Variants in SLC12A3 observed in about 807,000 individuals in gnomAD.
SLC12A3 encodes the protein solute carrier family 12 member 3, also known as Na-Cl cotransporter.
A neutral mutation model predicts 121.0 loss-of-function variants in SLC12A3; 104 were observed. The ratio of observed to expected loss-of-function variants is 0.86; its 90% confidence interval spans 0.73 to 1.01. SLC12A3 has a LOEUF of 1.01. Among genes scored for constraint, SLC12A3 ranks in the 50% least tolerant of loss-of-function variants. SLC12A3 has a pLI of 0.00. For synonymous variants in SLC12A3, 536 were observed against 533.4 expected (o/e 1.00, Z -0.07); for missense variants, 1,328 against 1,356.3 (o/e 0.98, Z 0.33).
intron 22 of SLC12A3, among the ~76,000 whole-genome samples, chr16:56,895,220 CTCACTCTG>C (rs1409821709): frequency 9.1e-6 from 1 of 110,098 alleles, no homozygotes; most frequent in African/African-American, 3.9e-5. Context: ...GAGATGGATT[CTCACTCTG>C]TCACCCAGGC....
Position 56,915,130 on chromosome 16 carries a change from AG to A in SLC12A3, c.*1726del, listed in dbSNP as rs1596966997. The A allele has an allele frequency of 6.6e-6, 1 of 152,302 alleles. No individual in the cohort carries two copies. The highest frequency in any genetic ancestry group is 2.4e-5 in the African/African-American group (1 of 41,442). 9.4% of individuals were successfully genotyped at this position (152,302 alleles called of 1,614,324 possible). On this transcript the variant is annotated 3_prime_UTR_variant, in exon 26 of 26. Transcript: ENST00000563236. Reference sequence around the variant, plus strand: ...CATCGAATGCCAGTGGGTGAGGCCAAGTGAGGGTATTTGCAGCTCTAGACAT... The same window carrying A: ...CATCGAATGCCAGTGGGTGAGGCCAATGAGGGTATTTGCAGCTCTAGACAT...
chr16:56,906,138 C>T (rs2055605291), intron 25 of SLC12A3, among the ~76,000 whole-genome samples: 1 of 152,188 alleles, frequency 6.6e-6, no homozygotes, highest in Admixed American at 6.5e-5. Context: ...TGAGAGGAGA[C>T]CTCAGAACAA....
intron 25 of SLC12A3, among the ~76,000 whole-genome samples, chr16:56,912,028 G>A (rs1300583951): frequency 2.0e-5 from 3 of 152,232 alleles, no homozygotes; most frequent in South Asian, 2.1e-4. Context: ...GCCACGACTC[G>A]GACGCCAGAG....
chr16:56,870,181 G>A lies in SLC12A3; in HGVS notation c.687G>A (p.Val229=). ...IGLIFAFANA[V]GVAMHTVGFA... ...TCATTTTCGCTTTCGCCAATGCCGT[G>A]GGTGTGGCCATGCACACGGTGGGCT... Residue 229 remains valine, a synonymous_variant, in exon 5 of 26, where the codon GTG becomes GTA. Coordinates refer to ENST00000563236, the MANE Select transcript of SLC12A3 (RefSeq NM_001126108.2). 6.2e-7 allele frequency: 1 copy of A among 1,614,048 alleles called. No individual in the cohort carries two copies. The highest frequency in any genetic ancestry group is 1.1e-5 in the South Asian group (1 of 91,086).
rs76871795 is a variant in SLC12A3 at position 56,880,816 on chromosome 16, C to T, written c.1567+563C>T. 0.1 allele frequency among the ~76,000 whole-genome samples: 15,495 copies of T among 152,248 alleles called. 903 individuals carry two copies. Among genetic ancestry groups the T allele is most frequent in the East Asian group, 0.23 (1,169 of 5,182 alleles). Reference sequence around the variant, plus strand: ...TTCCTATCCAGGCTTTGCCATGTGCCAGCTGTGTGACCTTAGACAAGGTAC... The same window carrying T: ...TTCCTATCCAGGCTTTGCCATGTGCTAGCTGTGTGACCTTAGACAAGGTAC... On this transcript the variant is annotated intron_variant, in intron 12 of 25. Coordinates refer to ENST00000563236, the MANE Select transcript of SLC12A3 (RefSeq NM_001126108.2).
Position 56,886,496 on chromosome 16 carries a change from C to A in SLC12A3, c.2037+21C>A, listed in dbSNP as rs367997259. ...TCATCGTGAGTGGCCCCTGGAGGGGCACAGGGGACCAGGCATGGTGGCTCA... is the reference window on the plus strand; with the variant it reads ...TCATCGTGAGTGGCCCCTGGAGGGGAACAGGGGACCAGGCATGGTGGCTCA... On this transcript the variant is annotated intron_variant, in intron 16 of 25. Transcript: ENST00000563236. The A allele has an allele frequency of 9.4e-5, 150 of 1,588,258 alleles. 1 individual carries two copies. The Middle Eastern group carries it at 1.2e-3, about 12-fold the overall frequency.
intron 3 of SLC12A3, among the ~76,000 whole-genome samples, chr16:56,868,866 G>A (rs1457875438): frequency 3.3e-5 from 5 of 152,018 alleles, no homozygotes; most frequent in Non-Finnish European, 7.4e-5. Flanking sequence ...CCAGCTACTC[G>A]GGAGGCTGAG....
chr16:56,873,374 C>CTTTTTTTTTTTTTTTTTTTT (rs59478629), intron 8 of SLC12A3, among the ~76,000 whole-genome samples: 1 of 75,372 alleles, frequency 1.3e-5, no homozygotes, highest in African/African-American at 5.3e-5. Context: ...CTCTTTCTTT[C>CTTTTTTTTTTTTTTTTTTTT]TTTTTTTTTT....
chr16:56,889,361 G>A (rs2055359439), intron 18 of SLC12A3, among the ~76,000 whole-genome samples: 1 of 152,258 alleles, frequency 6.6e-6, no homozygotes. Context: ...AGCCCAGGGA[G>A]GGCAGTGCGC....
chr16:56,903,003 G>T (rs1369490793), intron 24 of SLC12A3, among the ~76,000 whole-genome samples: 1 of 152,096 alleles, frequency 6.6e-6, no homozygotes, highest in Non-Finnish European at 1.5e-5. Flanking sequence ...AAAAAAATTA[G>T]CTGGGCATGG....
chr16:56,912,318 G>A (rs1316992242), intron 25 of SLC12A3, among the ~76,000 whole-genome samples: 1 of 152,244 alleles, frequency 6.6e-6, no homozygotes, highest in African/African-American at 2.4e-5. Context: ...TAGTAGAAAA[G>A]TCACTTCCTG....
chr16:56,908,090 T>C (rs2144781013), intron 25 of SLC12A3, among the ~76,000 whole-genome samples: 1 of 147,364 alleles, frequency 6.8e-6, no homozygotes, highest in Middle Eastern at 3.6e-3. Context: ...TGCCCCGATG[T>C]CCCCAGTGCC....
chr16:56,865,796 C>A (rs1460292598), intron 1 of SLC12A3, among the ~76,000 whole-genome samples: 1 of 152,120 alleles, frequency 6.6e-6, no homozygotes, highest in East Asian at 1.9e-4. Context: ...TTGCACACCC[C>A]TGAAAGAGAC....
At position 56,911,158 on chromosome 16, in the gene SLC12A3, G is replaced by A. The variant is rs142249061; in HGVS notation, c.2925-2106G>A. 1.2e-4 allele frequency among the ~76,000 whole-genome samples: 19 copies of A among 152,312 alleles called. No individual in the cohort carries two copies. In the South Asian group the frequency reaches 1.4e-3, roughly 12 times the overall value. ...ATGTCCTATTTCCTGGATGTTGTCC[G>A]CCTCTTGCATAACTGCTCAGTCAGG... On this transcript the variant is annotated intron_variant, in intron 25 of 25. Transcript: ENST00000563236.
At chr16:56,889,110 ATGT>A (rs1427215014) in intron 18 of SLC12A3, among the ~76,000 whole-genome samples, 2 of 150,694 alleles carry the variant, frequency 1.3e-5, no homozygotes, top group Admixed American at 6.9e-5. Flanking sequence ...TTCTGTGTTG[ATGT>A]TGTTGTGTGA....
intron 14 of SLC12A3, among the ~76,000 whole-genome samples, chr16:56,885,009 C>T (rs919247231): frequency 2.0e-5 from 3 of 152,112 alleles, no homozygotes; most frequent in Admixed American, 6.5e-5. Context: ...TCAGGTGATT[C>T]GCCTGCCTCG....
intron 23 of SLC12A3, among the ~76,000 whole-genome samples, chr16:56,901,637 G>T (rs1346663057): frequency 6.6e-6 from 1 of 152,182 alleles, no homozygotes; most frequent in Non-Finnish European, 1.5e-5. Flanking sequence ...ACTGTGCCCG[G>T]CCCCAGCCCT....
In SLC12A3 at chr16:56,884,063, T is replaced by A. The variant is rs1466020927; in HGVS notation, c.1684T>A (p.Phe562Ile). ...ITNSPGWRPS[F>I]QYYNKWAALF... Reference sequence around the variant, plus strand: ...CCTTGGCCCAGGGTGGAGACCTTCATTCCAATACTACAACAAGTGGGCGGC... The same window carrying A: ...CCTTGGCCCAGGGTGGAGACCTTCAATCCAATACTACAACAAGTGGGCGGC... Residue 562 changes from phenylalanine to isoleucine, a missense_variant, in exon 14 of 26, where the codon TTC (phenylalanine) becomes ATC (isoleucine). By Grantham distance (21) the Phe-to-Ile change is conservative. Coordinates refer to ENST00000563236, the MANE Select transcript of SLC12A3 (RefSeq NM_001126108.2). 1 of 1,614,050 alleles carries A rather than the reference T, an allele frequency of 6.2e-7. No individual in the cohort carries two copies. Among genetic ancestry groups the A allele is most frequent in the Non-Finnish European group, 8.5e-7 (1 of 1,180,020 alleles).
In SLC12A3 at chr16:56,902,486, A is replaced by G. The variant is rs1567446816; in HGVS notation, c.2834A>G (p.Glu945Gly). The change falls in exon 24 of 26, where the codon GAG becomes GGG. Residue 945 changes from glutamate (E) to glycine (G), a missense_variant. Coordinates refer to ENST00000563236, the MANE Select transcript of SLC12A3 (RefSeq NM_001126108.2). ...RDCPWKISDE[E>G]ITKNRVKSLR... is the part of the protein sequence containing the mutation. ...TGCCCCTGGAAGATCTCAGATGAGG[A>G]GATTACGAAGAACAGAGTCAAGGTG... The G allele has an allele frequency of 3.8e-6, 5 of 1,310,092 alleles. No homozygotes were observed. Among genetic ancestry groups the G allele is most frequent in the Non-Finnish European group, 5.3e-6 (5 of 939,812 alleles). 81.2% of individuals were successfully genotyped at this position (1,310,092 alleles called of 1,614,324 possible). A position where few individuals can be genotyped will look rare whatever the true frequency, so the allele number is the denominator to read the frequency against.
Sources: gnomAD v4.1 joint callset for allele counts (sites outside exome capture counted in the v4.1 genomes callset) on GRCh38, gnomAD v4.1.1 for gene constraint, MANE v1.5 for transcripts, NCBI Gene and HGNC (gene_info 2026-07-23, HGNC 2026-07-21) for gene names.